Variants in POLR2F observed in about 807,000 individuals in gnomAD.
The protein encoded by POLR2F is DNA-directed RNA polymerases I, II, and III subunit RPABC2.
Under a neutral mutation model 22.7 loss-of-function variants are expected in POLR2F, and 12 were observed. That is an observed-to-expected ratio of 0.53 (90% CI 0.34 to 0.86). The LOEUF is 0.86. Among genes scored for constraint, POLR2F ranks in the 40% least tolerant of loss-of-function variants. POLR2F has a pLI of 0.02. For missense variants in POLR2F, 126 were observed against 171.5 expected, an observed-to-expected ratio of 0.73 and a Z score of 1.48; for synonymous variants, 57 against 66.0, an observed-to-expected ratio of 0.86 and a Z score of 0.66.
downstream of POLR2F, chr22:37,973,573 G>A (rs773505892): frequency 3.7e-6 from 6 of 1,612,948 alleles, no homozygotes; most frequent in South Asian, 2.2e-5. Context: ...AGGGGCTGGG[G>A]TCAGAGATGG....
chr22:38,006,300 G>A (rs774128986), intron 1 of POLR2F, among the ~76,000 whole-genome samples: 4 of 152,200 alleles, frequency 2.6e-5, no homozygotes, highest in Non-Finnish European at 5.9e-5. Context: ...GGAGGGCAGC[G>A]AACCAGTGAG....
At chr22:37,958,079 A>G (rs1258502196) in intron 2 of POLR2F, among the ~76,000 whole-genome samples, 2 of 152,032 alleles carry the variant, frequency 1.3e-5, no homozygotes, top group African/African-American at 4.8e-5. Flanking sequence ...AGGTGTGGTC[A>G]TAGCGCACTA....
chr22:38,016,383 C>T lies in POLR2F; in HGVS notation c.121-9486C>T, dbSNP rs2084915406. Among the ~76,000 whole-genome samples, 1 of 152,204 alleles carries T rather than the reference C, an allele frequency of 6.6e-6. No individual in the cohort carries two copies. Among genetic ancestry groups the T allele is most frequent in the Admixed American group, 6.5e-5 (1 of 15,284 alleles). Reference sequence around the variant, plus strand: ...TCCACCAGCCGTCCCTGGGATGCTCCAGGAAGTGCTGCGCTTGACACACGC... The same window carrying T: ...TCCACCAGCCGTCCCTGGGATGCTCTAGGAAGTGCTGCGCTTGACACACGC... On this transcript the variant is annotated intron_variant, in intron 1 of 2. Transcript: ENST00000333418. The surrounding 1 kb of genome is among the most constrained non-coding windows in gnomAD (Gnocchi z 4.4).
chr22:37,999,056 C>G (rs755427065), intron 1 of POLR2F, among the ~76,000 whole-genome samples: 1 of 152,106 alleles, frequency 6.6e-6, no homozygotes, highest in Admixed American at 6.5e-5. Context: ...CCCCTTCTGT[C>G]TTCCCTCATT....
chr22:38,034,618 C>T (rs1334839258), intron 5 of POLR2F, among the ~76,000 whole-genome samples: 1 of 152,206 alleles, frequency 6.6e-6, no homozygotes, highest in East Asian at 1.9e-4. Context: ...CCCTGGACCC[C>T]TCTCTGAGCC....
Position 37,986,767 on chromosome 22 carries a change from G to A in POLR2F, c.120+455G>A, listed in dbSNP as rs536553087. ...TGTGTGTGGTTGGGGCCCCTGCTGC[G>A]AACACATCCCTGCCCACCATGCTGG... On this transcript the variant is annotated intron_variant, in intron 1 of 2. Coordinates refer to the POLR2F transcript ENST00000333418. This position sits in a 1 kb window ranked among gnomAD's most constrained non-coding sequence, Gnocchi z 4.7. 13 of 468,834 alleles carry A rather than the reference G, an allele frequency of 2.8e-5. No individual in the cohort carries two copies. The highest frequency in any genetic ancestry group is 2.2e-4 in the African/African-American group (11 of 50,660). 29.0% of individuals were successfully genotyped at this position (468,834 alleles called of 1,614,324 possible).
intron 1 of POLR2F, among the ~76,000 whole-genome samples, chr22:38,012,910 C>T (rs2084883616): frequency 6.6e-6 from 1 of 152,154 alleles, no homozygotes; most frequent in African/African-American, 2.4e-5. Context: ...AGCCAGACCT[C>T]TGAGTTAAGA....
chr22:37,983,248 G>A, upstream of POLR2F: 3 of 1,287,584 alleles, frequency 2.3e-6, no homozygotes, highest in African/African-American at 1.5e-5. The surrounding 1 kb of genome is among the most constrained non-coding windows in gnomAD (Gnocchi z 9.5). Flanking sequence ...TATCCAAGGA[G>A]GACTGCCAGA....
chr22:38,010,383 T>C (rs576132832), intron 1 of POLR2F, among the ~76,000 whole-genome samples: 16 of 147,606 alleles, frequency 1.1e-4, no homozygotes, highest in Middle Eastern at 6.9e-3. Context: ...AAAAAAAAAA[T>C]AAAGGAAAAG....
At chr22:38,001,573 C>G (rs902910315) in intron 1 of POLR2F, among the ~76,000 whole-genome samples, 24 of 152,178 alleles carry the variant, frequency 1.6e-4, no homozygotes, top group Admixed American at 1.4e-3. Flanking sequence ...CATTCTGTTG[C>G]CCAGGCTGGA....
chr22:37,964,289 G>T (rs1931765725), intron 3 of POLR2F, among the ~76,000 whole-genome samples: 1 of 152,004 alleles, frequency 6.6e-6, no homozygotes, highest in Admixed American at 6.6e-5. Flanking sequence ...AATTCTAGTG[G>T]GGACAGGTAA....
At chr22:38,038,279 T>G (rs1246461418) in intron 5 of POLR2F, among the ~76,000 whole-genome samples, 1 of 152,158 alleles carries the variant, frequency 6.6e-6, no homozygotes, top group Non-Finnish European at 1.5e-5. Context: ...CTTTGGGACC[T>G]GAAGCCAGAG....
downstream of POLR2F, among the ~76,000 whole-genome samples, chr22:38,027,124 C>T (rs904963276): frequency 6.6e-6 from 1 of 152,126 alleles, no homozygotes; most frequent in Non-Finnish European, 1.5e-5. Flanking sequence ...GCATAGGGTG[C>T]GGGATGACGC....
intron 1 of POLR2F, among the ~76,000 whole-genome samples, chr22:37,991,982 G>A (rs1453979890): frequency 6.6e-6 from 1 of 152,174 alleles, no homozygotes; most frequent in Non-Finnish European, 1.5e-5. Context: ...GGCAGCATGT[G>A]GGGAAGGAAT....
At chr22:38,005,578 A>G (rs2084813634) in intron 1 of POLR2F, among the ~76,000 whole-genome samples, 1 of 152,128 alleles carries the variant, frequency 6.6e-6, no homozygotes, top group Admixed American at 6.5e-5. Context: ...CAGAGAGGAG[A>G]GCTCCCACCA....
Position 37,968,534 on chromosome 22 carries a change from C to T in POLR2F, c.*819C>T, listed in dbSNP as rs1569165799. ...CTGGGTTCCAGGTGTTACATTAAGT[C>T]AGAGCTGGAGTTCCCCCTTCCTCTG... is the stretch of plus-strand genomic sequence containing the variant. On this transcript the variant is annotated 3_prime_UTR_variant, in exon 5 of 5. Coordinates refer to ENST00000442738, the MANE Select transcript of POLR2F (RefSeq NM_021974.5). 2.0e-6 allele frequency: 2 copies of T among 985,706 alleles called. No homozygotes were observed. The highest frequency in any genetic ancestry group is 2.4e-6 in the Non-Finnish European group (2 of 830,134). 61.1% of individuals were successfully genotyped at this position (985,706 alleles called of 1,614,324 possible).
rs368756577 is a variant in POLR2F at position 38,025,357 on chromosome 22, TACAC to T, written c.121-503_121-500del. Among the ~76,000 whole-genome samples, 26 of 151,660 alleles carry T rather than the reference TACAC, an allele frequency of 1.7e-4. 1 individual carries two copies. The Middle Eastern group carries it at 0.01, about 60-fold the overall frequency. ...TGCAATTATACACACAATCACAACG[TACAC>T]ACACACACGCACAGTCATACACAAT... On this transcript the variant is annotated intron_variant, in intron 1 of 2. Coordinates refer to the POLR2F transcript ENST00000333418.
intron 2 of POLR2F, among the ~76,000 whole-genome samples, chr22:37,958,668 G>A (rs756675524): frequency 6.6e-6 from 1 of 152,088 alleles, no homozygotes; most frequent in Non-Finnish European, 1.5e-5. Context: ...CCTTCTAGGT[G>A]AGCTCAAGCC....
chr22:38,026,449 G>A (rs1379881789), exon 3 of POLR2F: 1 of 406,770 alleles, frequency 2.5e-6, no homozygotes, highest in African/African-American at 2.1e-5. Context: ...ACCAGGGGCT[G>A]GTCTTCATGA....
Sources: allele counts gnomAD v4.1 joint callset (sites outside exome capture counted in the v4.1 genomes callset), GRCh38; gene constraint gnomAD v4.1.1; non-coding constraint Gnocchi (gnomAD v3.1); transcripts MANE v1.5; gene names NCBI Gene and HGNC (gene_info 2026-07-23, HGNC 2026-07-21).